Variants in DYNC1H1 observed in about 807,000 individuals in gnomAD.
DYNC1H1 encodes the protein dynein cytoplasmic 1 heavy chain 1.
DYNC1H1 carries 51 observed loss-of-function variants against 527.1 expected under a neutral mutation model. The ratio of observed to expected loss-of-function variants is 0.10; its 90% CI spans 0.08 to 0.12. The LOEUF is 0.12. Ranked by LOEUF, DYNC1H1 falls within the 10% of genes least tolerant of loss-of-function variation. The pLI, the probability that DYNC1H1 is intolerant of heterozygous loss-of-function variation, is 1.00. For missense variants in DYNC1H1, 2,771 were observed against 5,971.8 expected (o/e 0.46, Z 17.66); for synonymous variants, 2,189 against 2,278.8 (o/e 0.96, Z 1.12).
Position 101,965,665 on chromosome 14 carries a change from C to G in DYNC1H1, c.256+718C>G, listed in dbSNP as rs1427349665. ...GAGGCTCAGGTTAAGTGATTTCACC[C>G]AAGGTCACCAGCTAATCTTAGTCCT... On this transcript the variant is annotated intron_variant, in intron 1 of 77. Transcript: ENST00000360184. The surrounding 1 kb of genome is among the most constrained non-coding windows in gnomAD (Gnocchi z 4.1). Among the ~76,000 whole-genome samples, 1 of 152,084 alleles carries G rather than the reference C, an allele frequency of 6.6e-6. No individual in the cohort carries two copies. The highest frequency in any genetic ancestry group is 6.5e-5 in the Admixed American group (1 of 15,268).
chr14:102,043,597 T>C (rs558343961), intron 69 of DYNC1H1: 2 of 488,172 alleles, frequency 4.1e-6, no homozygotes, highest in Admixed American at 3.3e-5. Context: ...AATTCTGTTC[T>C]ATTTTGTGCC....
Position 102,041,556 on chromosome 14 carries a change from C to G in DYNC1H1, c.11942-18C>G, listed in dbSNP as rs373289883. 2 of 1,613,792 alleles carry G rather than the reference C, an allele frequency of 1.2e-6. No individual in the cohort carries two copies. The highest frequency in any genetic ancestry group is 2.7e-5 in the African/African-American group (2 of 75,046). On this transcript the variant is annotated intron_variant, in intron 64 of 77. Coordinates refer to ENST00000360184, the MANE Select transcript of DYNC1H1 (RefSeq NM_001376.5). The surrounding 1 kb of genome is among the most constrained non-coding windows in gnomAD (Gnocchi z 4.5). ...TCCATGCTTCCACCCAGCACCCACC[C>G]CTCTGTACCTGTTTCAGCACCCATT... is the stretch of plus-strand genomic sequence containing the variant.
chr14:102,039,576 C>CA lies in DYNC1H1; in HGVS notation c.11595+30_11595+31insA. On this transcript the variant is annotated intron_variant, in intron 61 of 77. Coordinates refer to ENST00000360184, the MANE Select transcript of DYNC1H1 (RefSeq NM_001376.5). This position sits in a 1 kb window ranked among gnomAD's most constrained non-coding sequence, Gnocchi z 7.0. ...AGTGAGGTCCTCAGCCGCTCCCTGG[C>CA]GGGGGGGAAGCAGGGTGCTGCTTCT... 3.1e-6 allele frequency: 5 copies of CA among 1,614,106 alleles called. No individual in the cohort carries two copies. Among genetic ancestry groups the CA allele is most frequent in the African/African-American group, 1.3e-5 (1 of 75,026 alleles).
At chr14:101,990,116 C>T (rs565159976) in intron 10 of DYNC1H1, among the ~76,000 whole-genome samples, 70 of 152,138 alleles carry the variant, frequency 4.6e-4, no homozygotes, top group Non-Finnish European at 9.6e-4. Flanking sequence ...AGAATCGCCT[C>T]ACCGTGATTC....
rs980945669 is a variant in DYNC1H1 at position 101,994,991 on chromosome 14, A to G, written c.3339A>G (p.Gln1113=). The G allele has an allele frequency of 3.1e-6, 5 of 1,614,086 alleles. No homozygotes were observed. The African/African-American group carries it at 5.3e-5, about 17-fold the overall frequency. The change falls in exon 14 of 78, where the codon CAA becomes CAG. Residue 1113 remains glutamine, a synonymous_variant. Coordinates refer to ENST00000360184, the MANE Select transcript of DYNC1H1 (RefSeq NM_001376.5). ...GTGTGCTATTTCACCCTCAGGTACAATCTAAGGTGAACTTGAAATATGACT... is the reference window on the plus strand; with the variant it reads ...GTGTGCTATTTCACCCTCAGGTACAGTCTAAGGTGAACTTGAAATATGACT... ...GPVVIDYGKV[Q]SKVNLKYDSW... is the part of the protein sequence containing the mutation.
chr14:102,037,598 C>T (rs2048593139), intron 57 of DYNC1H1: 1 of 152,130 alleles, frequency 6.6e-6, no homozygotes, highest in Non-Finnish European at 1.5e-5. Flanking sequence ...ATGATGAGAA[C>T]ACATGGACAC....
At position 101,983,506 on chromosome 14, in the gene DYNC1H1, A is replaced by G. The variant is rs1421871108; in HGVS notation, c.1358A>G (p.Asn453Ser). The change falls in exon 7 of 78, where the codon AAC becomes AGC. Residue 453 changes from asparagine (N) to serine (S), a missense_variant. Coordinates refer to ENST00000360184, the MANE Select transcript of DYNC1H1 (RefSeq NM_001376.5). The surrounding 1 kb of genome is among the most constrained non-coding windows in gnomAD (Gnocchi z 5.3). ...AATCTGAAGATGGTGTGGCGTATCAACCCTGCCCACAGGAAGCTGCAGGCC... is the reference window on the plus strand; with the variant it reads ...AATCTGAAGATGGTGTGGCGTATCAGCCCTGCCCACAGGAAGCTGCAGGCC... ...EENLKMVWRI[N>S]PAHRKLQARL... is the part of the protein sequence containing the mutation. The G allele has an allele frequency of 6.2e-7, 1 of 1,614,082 alleles. No individual in the cohort carries two copies. The highest frequency in any genetic ancestry group is 1.3e-5 in the African/African-American group (1 of 74,918).
chr14:102,023,136 A>C, intron 43 of DYNC1H1: 1 of 472,896 alleles, frequency 2.1e-6, no homozygotes, highest in Non-Finnish European at 3.9e-6. Flanking sequence ...AAGGTAACTC[A>C]CGCCTATGGT....
intron 74 of DYNC1H1, chr14:102,048,993 C>T (rs1383408287): frequency 4.5e-6 from 2 of 442,108 alleles, no homozygotes; most frequent in Non-Finnish European, 8.4e-6. Flanking sequence ...TAGGTTACGG[C>T]CTGTGAAGAA....
chr14:102,046,438 G>A (rs950774802), intron 72 of DYNC1H1, among the ~76,000 whole-genome samples: 14 of 151,264 alleles, frequency 9.3e-5, no homozygotes, highest in Admixed American at 4.6e-4. Flanking sequence ...AGCTGGGCGG[G>A]TCTGGAGGGA....
chr14:102,039,027 C>G lies in DYNC1H1; in HGVS notation c.11233C>G (p.Leu3745Val). ...GGAATTTCAGCTCCGTTTGCGTCAG[C>G]TGGAAAAATCTCTACTACAAGCTCT... ...QGEFQLRLRQ[L>V]EKSLLQALNE... Residue 3745 changes from leucine to valine, a missense_variant, in exon 60 of 78, where the codon CTG becomes GTG. By Grantham distance (32) the Leu-to-Val change is conservative. Around this residue, in one of 32 missense-constraint regions of DYNC1H1, gnomAD observed 283 missense variants for 737.6 expected, o/e 0.38. Transcript: ENST00000360184. This position sits in a 1 kb window ranked among gnomAD's most constrained non-coding sequence, Gnocchi z 7.0. The G allele has an allele frequency of 6.2e-7, 1 of 1,614,136 alleles. No individual in the cohort carries two copies. The highest frequency in any genetic ancestry group is 8.5e-7 in the Non-Finnish European group (1 of 1,180,036).
At position 101,986,769 on chromosome 14, in the gene DYNC1H1, C is replaced by G; in HGVS notation, c.2538+6C>G. 6.2e-7 allele frequency: 1 copy of G among 1,614,034 alleles called. No homozygotes were observed. The highest frequency in any genetic ancestry group is 8.5e-7 in the Non-Finnish European group (1 of 1,179,910). On this transcript the variant is annotated splice_donor_region_variant and intron_variant, in intron 8 of 77. Transcript: ENST00000360184. This position sits in a 1 kb window ranked among gnomAD's most constrained non-coding sequence, Gnocchi z 8.7. ...TCTTCAACTTCCAAGAAAAGGTATGCTCTCATGTAATCCTCAGGTGTCCTG... is the reference window on the plus strand; with the variant it reads ...TCTTCAACTTCCAAGAAAAGGTATGGTCTCATGTAATCCTCAGGTGTCCTG...
rs755389915 is a variant in DYNC1H1 at position 102,022,923 on chromosome 14, A to G, written c.8637+43A>G. On this transcript the variant is annotated intron_variant, in intron 43 of 77. Coordinates refer to ENST00000360184, the MANE Select transcript of DYNC1H1 (RefSeq NM_001376.5). The stretch of plus-strand genomic sequence containing the variant: ...TTTCAGACATACTTCTTTTTCTGCC[A>G]TCCCTTTCTAACACTAACGAATTCT... The G allele has an allele frequency of 5.6e-6, 9 of 1,613,584 alleles. No individual in the cohort carries two copies. The African/African-American group carries it at 1.1e-4, about 19-fold the overall frequency.
rs2152590018 is a variant in DYNC1H1 at position 102,029,384 on chromosome 14, T to C, written c.9469-155T>C. ...AGTGTAAGGGGTATCTCGAAAGCTC[T>C]AAGTGGCTAAGCTGAGGCCCGACTC... On this transcript the variant is annotated intron_variant, in intron 48 of 77. Transcript: ENST00000360184. This position sits in a 1 kb window ranked among gnomAD's most constrained non-coding sequence, Gnocchi z 5.3. 1 of 905,752 alleles carries C rather than the reference T, an allele frequency of 1.1e-6. No individual in the cohort carries two copies. Among genetic ancestry groups the C allele is most frequent in the East Asian group, 2.6e-5 (1 of 37,920 alleles). The allele number at this position is 905,752 out of a possible 1,614,324, so 56.1% of individuals were successfully genotyped here.
At position 102,033,802 on chromosome 14, in the gene DYNC1H1, TG is replaced by T; in HGVS notation, c.10414-172del. The stretch of plus-strand genomic sequence containing the variant: ...CCCCGCTGAGATTCTGAGTCGTGTG[TG>T]GTCATTAGTTATATATGATCTGGGT... On this transcript the variant is annotated intron_variant, in intron 54 of 77. Transcript: ENST00000360184. The surrounding 1 kb of genome is among the most constrained non-coding windows in gnomAD (Gnocchi z 5.6). 1.4e-6 allele frequency: 1 copy of T among 737,386 alleles called. No homozygotes were observed. The highest frequency in any genetic ancestry group is 2.3e-6 in the Non-Finnish European group (1 of 439,248). 45.7% of individuals were successfully genotyped at this position (737,386 alleles called of 1,614,324 possible).
intron 10 of DYNC1H1, among the ~76,000 whole-genome samples, chr14:101,989,921 T>G (rs1379050924): frequency 1.3e-5 from 2 of 152,230 alleles, no homozygotes; most frequent in Admixed American, 6.5e-5. Flanking sequence ...ACCTTTTCTA[T>G]GCCGACATAT....
At chr14:101,995,739 CTG>C (rs2048053359) in intron 15 of DYNC1H1, among the ~76,000 whole-genome samples, 1 of 152,034 alleles carries the variant, frequency 6.6e-6, no homozygotes, top group South Asian at 2.1e-4. Flanking sequence ...CAGATCATCT[CTG>C]TTACAACAGC....
rs1595618347 is a variant in DYNC1H1 at position 102,017,933 on chromosome 14, C to T, written c.8177+429C>T. The T allele has an allele frequency of 3.5e-6, 1 of 289,566 alleles. No individual in the cohort carries two copies. The allele number at this position is 289,566 out of a possible 1,614,324, so 17.9% of individuals were successfully genotyped here. A position where few individuals can be genotyped will look rare whatever the true frequency, so the allele number is the denominator to read the frequency against. ...CATCCTGGCTAACACGGTGAAACCC[C>T]ATCTCTACTAAAAATACAAAAAATT... On this transcript the variant is annotated intron_variant, in intron 40 of 77. Transcript: ENST00000360184. The surrounding 1 kb of genome is among the most constrained non-coding windows in gnomAD (Gnocchi z 4.6).
At position 102,042,799 on chromosome 14, in the gene DYNC1H1, G is replaced by A. The variant is rs960445838; in HGVS notation, c.12513+51G>A. 3 of 1,598,990 alleles carry A rather than the reference G, an allele frequency of 1.9e-6. No homozygotes were observed. Among genetic ancestry groups the A allele is most frequent in the African/African-American group, 1.3e-5 (1 of 74,540 alleles). The stretch of plus-strand genomic sequence containing the variant: ...CTTTCCCCATAGAAGCTAAAGCCCA[G>A]TCCCATCACCAAATGCAGAAGTGGG... On this transcript the variant is annotated intron_variant, in intron 69 of 77. Coordinates refer to ENST00000360184, the MANE Select transcript of DYNC1H1 (RefSeq NM_001376.5). The surrounding 1 kb of genome is among the most constrained non-coding windows in gnomAD (Gnocchi z 5.7).
Sources: gnomAD v4.1 joint callset for allele counts (sites outside exome capture counted in the v4.1 genomes callset) on GRCh38, gnomAD v4.1.1 for gene constraint, gnomAD v4.1.1 regional missense constraint, Gnocchi (gnomAD v3.1) non-coding constraint, MANE v1.5 for transcripts, NCBI Gene and HGNC (gene_info 2026-07-23, HGNC 2026-07-21) for gene names.